Variants in USP44 observed in about 807,000 individuals in gnomAD.
USP44 encodes ubiquitin carboxyl-terminal hydrolase 44.
Under a neutral mutation model 69.0 loss-of-function variants are expected in USP44, and 61 were observed. The observed-to-expected ratio is 0.88, with a 90% CI of 0.72 to 1.09. USP44 has a LOEUF of 1.09. Ranked by LOEUF, USP44 falls within the 50% of genes least tolerant of loss-of-function variation. USP44 has a pLI of 0.00. For synonymous variants in USP44, 297 were observed against 295.4 expected (o/e 1.01, Z -0.06); for missense variants, 753 against 849.9 (o/e 0.89, Z 1.42).
rs2076768901 is a variant in USP44, at chr12:95,524,473, G to A, written c.1733+207C>T. On this transcript the variant is annotated intron_variant, in intron 4 of 5. Transcript: ENST00000258499. ...ATGGTAAAACCCTATCGCCAGCCTA[G>A]GTGACAGAGTGAGACTCGATCTCTA... 3 of 383,964 alleles carry A rather than the reference G, an allele frequency of 7.8e-6. No individual in the cohort carries two copies. In the South Asian group the frequency reaches 1.1e-4, roughly 14 times the overall value. 23.8% of individuals were successfully genotyped at this position (383,964 alleles called of 1,614,324 possible).
At chr12:95,536,260 C>T (rs1162698237) in intron 1 of USP44, among the ~76,000 whole-genome samples, 1 of 151,976 alleles carries the variant, frequency 6.6e-6, no homozygotes, top group Non-Finnish European at 1.5e-5. Flanking sequence ...CCAGGCTGGT[C>T]TTGAACTCCT....
chr12:95,522,066 G>C lies in USP44; in HGVS notation c.1734-864C>G, dbSNP rs2076684507. 2.0e-6 allele frequency: 2 copies of C among 985,288 alleles called. 1 individual carries two copies. Among genetic ancestry groups the C allele is most frequent in the African/African-American group, 3.5e-5 (2 of 57,238 alleles). The allele number at this position is 985,288 out of a possible 1,614,324, so 61.0% of individuals were successfully genotyped here. On this transcript the variant is annotated intron_variant, in intron 4 of 5. Transcript: ENST00000258499. ...TCTGCTGGTCATACTTCCCATTACT[G>C]GATCTCAGCATGGCAAGCAATGTGT... is the stretch of plus-strand genomic sequence containing the variant.
rs1329678782 is a variant in USP44 at position 95,516,925 on chromosome 12, A to G, written c.*1229T>C. On this transcript the variant is annotated 3_prime_UTR_variant, in exon 6 of 6. Transcript: ENST00000258499. ...GATACATGATCTTCCTGTGGTTAAC[A>G]GAGCTTAGATACATAGCTGGTCTAC... 3.3e-5 allele frequency: 5 copies of G among 152,174 alleles called. No individual in the cohort carries two copies. Among genetic ancestry groups the G allele is most frequent in the African/African-American group, 9.7e-5 (4 of 41,436 alleles). The allele number at this position is 152,174 out of a possible 1,614,324, so 9.4% of individuals were successfully genotyped here. A position where few individuals can be genotyped will look rare whatever the true frequency, so the allele number is the denominator to read the frequency against.
intron 3 of USP44, among the ~76,000 whole-genome samples, chr12:95,527,388 C>T (rs1443628149): frequency 6.6e-6 from 1 of 152,044 alleles, no homozygotes; most frequent in Non-Finnish European, 1.5e-5. Context: ...AGCCACTGTG[C>T]CCAGCCCACA....
At chr12:95,523,689 CAA>C (rs927669685) in intron 4 of USP44, among the ~76,000 whole-genome samples, 13 of 89,142 alleles carry the variant, frequency 1.5e-4, no homozygotes, top group Admixed American at 3.9e-4. Flanking sequence ...CTGTCTCTAC[CAA>C]AAAAAAAAAA....
intron 2 of USP44, among the ~76,000 whole-genome samples, chr12:95,529,780 A>C (rs1188317249): frequency 6.6e-6 from 1 of 152,088 alleles, no homozygotes; most frequent in East Asian, 1.9e-4. Context: ...CTCTTAACCC[A>C]ATCCAATCTT....
chr12:95,530,890 A>C (rs1373354977), intron 2 of USP44, among the ~76,000 whole-genome samples: 1 of 151,680 alleles, frequency 6.6e-6, no homozygotes, highest in Non-Finnish European at 1.5e-5. Context: ...TGTGGCCAGG[A>C]GCAGTGGCTC....
intron 1 of USP44, among the ~76,000 whole-genome samples, chr12:95,539,750 T>C (rs922784098): frequency 3.3e-5 from 5 of 152,210 alleles, no homozygotes; most frequent in African/African-American, 9.6e-5. Context: ...TAAATAACTA[T>C]ATTTGACTTA....
chr12:95,542,232 C>A (rs754600641), intron 1 of USP44, among the ~76,000 whole-genome samples: 1 of 152,116 alleles, frequency 6.6e-6, no homozygotes, highest in African/African-American at 2.4e-5. Flanking sequence ...TGCCAACTTG[C>A]CAAATGTGAA....
chr12:95,523,999 C>G (rs1409693429), intron 4 of USP44, among the ~76,000 whole-genome samples: 1 of 152,056 alleles, frequency 6.6e-6, no homozygotes, highest in Non-Finnish European at 1.5e-5. Context: ...GTCTCAGCCT[C>G]CCAAGTAGCT....
At chr12:95,538,075 T>C (rs567370999) in intron 1 of USP44, among the ~76,000 whole-genome samples, 132 of 152,252 alleles carry the variant, frequency 8.7e-4, no homozygotes, top group African/African-American at 3.1e-3. Flanking sequence ...TGATACAAAA[T>C]TGTGAAAAGG....
chr12:95,550,111 G>A (rs1348906514), intron 1 of USP44, among the ~76,000 whole-genome samples: 3 of 151,352 alleles, frequency 2.0e-5, no homozygotes, highest in Non-Finnish European at 1.5e-5. Context: ...CCCAGGAGGC[G>A]GAGGTTGTGG....
In USP44 at chr12:95,524,776, C is replaced by T; in HGVS notation, c.1637G>A (p.Arg546Lys). The change falls in exon 4 of 6, where the codon AGG (arginine) becomes AAG (lysine). Residue 546 changes from arginine (R) to lysine (K), a missense_variant. By Grantham distance (26) the Arg-to-Lys change is conservative (BLOSUM62 2). Transcript: ENST00000258499. ...GAGTACAACTGGTTTGGAGGAAAAC[C>T]TTCTACGCTTTGCTGTAACATCAAA... ...VCDQCNSKRR[R>K]FSSKPVVLTE... 1 of 1,602,130 alleles carries T rather than the reference C, an allele frequency of 6.2e-7. No individual in the cohort carries two copies. The highest frequency in any genetic ancestry group is 1.1e-5 in the South Asian group (1 of 87,810).
intron 4 of USP44, among the ~76,000 whole-genome samples, chr12:95,521,408 A>C (rs1470502990): frequency 6.6e-6 from 1 of 152,128 alleles, no homozygotes; most frequent in Non-Finnish European, 1.5e-5. Flanking sequence ...TAATGTAGGA[A>C]AAAAAAATTT....
At chr12:95,521,777 G>A (rs750497093) in intron 4 of USP44, among the ~76,000 whole-genome samples, 28 of 152,128 alleles carry the variant, frequency 1.8e-4, no homozygotes, top group Non-Finnish European at 2.9e-4. Context: ...GTGAGCCACT[G>A]TGCCCAGCCC....
In USP44 at chr12:95,524,680, CTG is replaced by C; in HGVS notation, c.1731_1732del (p.Phe577LeufsTer6). Reference sequence around the variant, plus strand: ...CTTTGCAACTGGTCCTACTACAGACCTGAATCGTTTGAGGTGCAGTCTGAGAA... The same window carrying C: ...CTTTGCAACTGGTCCTACTACAGACCAATCGTTTGAGGTGCAGTCTGAGAA... On this transcript the variant is annotated frameshift_variant and splice_region_variant, in exon 4 of 6. Transcript: ENST00000258499. LOFTEE classifies it high-confidence loss of function. 6.2e-7 allele frequency: 1 copy of C among 1,604,792 alleles called. No individual in the cohort carries two copies. Among genetic ancestry groups the C allele is most frequent in the South Asian group, 1.1e-5 (1 of 88,862 alleles).
At chr12:95,546,518 A>T (rs548023901) in intron 1 of USP44, 1 of 152,224 alleles carries the variant, frequency 6.6e-6, no homozygotes, top group South Asian at 2.1e-4. Flanking sequence ...TAATAGCAAA[A>T]CTGTCCCCCG....
In USP44 at chr12:95,526,582, C is replaced by CA. The variant is rs1379237066; in HGVS notation, c.1625-1795dup. On this transcript the variant is annotated intron_variant, in intron 3 of 5. Coordinates refer to ENST00000258499, the MANE Select transcript of USP44 (RefSeq NM_032147.5). ...GCGAGATTCTGTCTCAAAAAAACAA[C>CA]AAAAAAAAACCTTATAAATTTAAGG... Among the ~76,000 whole-genome samples the CA allele has an allele frequency of 3.0e-3, 445 of 150,662 alleles. 1 individual carries two copies. Among genetic ancestry groups the CA allele is most frequent in the African/African-American group, 7.9e-3 (327 of 41,192 alleles).
chr12:95,534,277 A>G lies in USP44; in HGVS notation c.-21T>C. 1.3e-6 allele frequency: 2 copies of G among 1,588,620 alleles called. No individual in the cohort carries two copies. The highest frequency in any genetic ancestry group is 1.7e-6 in the Non-Finnish European group (2 of 1,164,246). On this transcript the variant is annotated 5_prime_UTR_variant, in exon 2 of 6. Transcript: ENST00000258499. ...AGCATTTATTTAGTCTAGCTGAGAA[A>G]TGCATAATCCAAACAAGTCTCTGTT...
Sources: allele counts gnomAD v4.1 joint callset (sites outside exome capture counted in the v4.1 genomes callset), GRCh38; gene constraint gnomAD v4.1.1; transcripts MANE v1.5; gene names NCBI Gene and HGNC (gene_info 2026-07-23, HGNC 2026-07-21).